The following CNTN6 variants were observed in gnomAD, a reference collection of about 807,000 sequenced individuals.
The protein encoded by CNTN6 is contactin-6.
CNTN6 carries 137 observed loss-of-function variants against 122.8 expected under a neutral mutation model. The observed-to-expected ratio is 1.12, with a 90% CI of 0.97 to 1.29. The LOEUF is 1.29. Among genes scored for constraint, CNTN6 ranks in the 50% most tolerant of loss-of-function variants. CNTN6 has a pLI of 0.00. For synonymous variants in CNTN6, 570 were observed against 426.0 expected (o/e 1.34, Z -4.16); for missense variants, 1,634 against 1,223.4 (o/e 1.34, Z -5.01).
intron 1 of CNTN6, among the ~76,000 whole-genome samples, chr3:1,104,899 G>A (rs191677558): frequency 6.6e-6 from 1 of 152,010 alleles, no homozygotes; most frequent in Admixed American, 6.5e-5. Context: ...TCACCAGATG[G>A]GTGTTCCCTT....
chr3:1,209,513 T>C (rs2094004002), intron 2 of CNTN6, among the ~76,000 whole-genome samples: 1 of 152,216 alleles, frequency 6.6e-6, no homozygotes, highest in African/African-American at 2.4e-5. Flanking sequence ...ATTTCAAGTA[T>C]GGCTTGAATC....
intron 1 of CNTN6, among the ~76,000 whole-genome samples, chr3:1,103,085 G>A (rs956040022): frequency 3.3e-5 from 5 of 152,024 alleles, no homozygotes; most frequent in Non-Finnish European, 2.9e-5. Flanking sequence ...CAGCCTGGGC[G>A]ACAGAGCCAG....
At chr3:1,147,614 C>T (rs1044821524) in intron 1 of CNTN6, among the ~76,000 whole-genome samples, 3 of 151,982 alleles carry the variant, frequency 2.0e-5, no homozygotes, top group Non-Finnish European at 4.4e-5. Flanking sequence ...AAGCAAGTCT[C>T]GTACCTGAAA....
At chr3:1,101,908 G>T (rs2090917318) in intron 1 of CNTN6, among the ~76,000 whole-genome samples, 1 of 152,162 alleles carries the variant, frequency 6.6e-6, no homozygotes, top group African/African-American at 2.4e-5. Context: ...CAAAAACTTT[G>T]TTAGCACAGC....
At chr3:1,106,287 C>A (rs1425979972) in intron 1 of CNTN6, among the ~76,000 whole-genome samples, 1 of 152,078 alleles carries the variant, frequency 6.6e-6, no homozygotes, top group East Asian at 1.9e-4. Context: ...ATATAACTTG[C>A]TTTTCCAGAT....
chr3:1,154,448 C>CTTTTTTTTTTTTTTTT lies in CNTN6; in HGVS notation c.55+6397_55+6398insTTTTTTTTTTTTTTTT, dbSNP rs771133835. Among the ~76,000 whole-genome samples the CTTTTTTTTTTTTTTTT allele has an allele frequency of 7.1e-5, 10 of 140,508 alleles. 1 individual carries two copies. Among genetic ancestry groups the CTTTTTTTTTTTTTTTT allele is most frequent in the African/African-American group, 1.7e-4 (6 of 36,340 alleles). The allele number at this position is 140,508 out of a possible 152,430, so 92.2% of individuals were successfully genotyped here. A position where few individuals can be genotyped will look rare whatever the true frequency, so the allele number is the denominator to read the frequency against. On this transcript the variant is annotated intron_variant, in intron 2 of 22. Coordinates refer to ENST00000446702, the MANE Select transcript of CNTN6 (RefSeq NM_001289080.2). Reference sequence around the variant, plus strand: ...ATAATATTTTTCTTTTCTTTTCTTTCTTTTTTTTTTTTGAGGTGGAGTTTT... The same window carrying CTTTTTTTTTTTTTTTT: ...ATAATATTTTTCTTTTCTTTTCTTTCTTTTTTTTTTTTTTTTTTTTTTTTTTTTGAGGTGGAGTTTT...
intron 3 of CNTN6, among the ~76,000 whole-genome samples, chr3:1,222,426 C>T (rs1257792900): frequency 4.6e-5 from 7 of 152,054 alleles, no homozygotes; most frequent in Non-Finnish European, 1.0e-4. Flanking sequence ...ATTCCTATAA[C>T]ATTTTTTGAA....
intron 7 of CNTN6, among the ~76,000 whole-genome samples, chr3:1,306,627 T>C (rs1698401347): frequency 6.8e-6 from 1 of 148,062 alleles, no homozygotes; most frequent in African/African-American, 2.5e-5. Flanking sequence ...CTTATCTGTA[T>C]AAGGAAGGCA....
intron 4 of CNTN6, among the ~76,000 whole-genome samples, chr3:1,262,110 A>T (rs866509295): frequency 6.6e-6 from 1 of 152,142 alleles, no homozygotes; most frequent in African/African-American, 2.4e-5. Flanking sequence ...CTTATAAATA[A>T]GCAGTCCTCA....
At position 1,400,023 on chromosome 3, in the gene CNTN6, G is replaced by C. The variant is rs182493063; in HGVS notation, c.2705-1410G>C. ...AAAGAGAATGTATGGTAATATATTT[G>C]AGACACCTGGATTCAGCAATATGTG... On this transcript the variant is annotated intron_variant, in intron 20 of 22. Coordinates refer to ENST00000446702, the MANE Select transcript of CNTN6 (RefSeq NM_001289080.2). 5.3e-5 allele frequency among the ~76,000 whole-genome samples: 8 copies of C among 152,180 alleles called. No homozygotes were observed. In the East Asian group the frequency reaches 1.5e-3, roughly 29 times the overall value.
chr3:1,109,659 A>G (rs908175085), intron 1 of CNTN6, among the ~76,000 whole-genome samples: 1 of 152,038 alleles, frequency 6.6e-6, no homozygotes, highest in Admixed American at 6.6e-5. Context: ...CATATTTGCA[A>G]AGATTTAGTT....
chr3:1,398,568 A>G (rs1247528049), intron 20 of CNTN6, among the ~76,000 whole-genome samples: 1 of 152,154 alleles, frequency 6.6e-6, no homozygotes. Flanking sequence ...CAACTGAAAA[A>G]TTGATTATGT....
At chr3:1,193,225 G>A (rs1199863684) in intron 2 of CNTN6, among the ~76,000 whole-genome samples, 3 of 152,130 alleles carry the variant, frequency 2.0e-5, no homozygotes, top group Admixed American at 2.0e-4. Context: ...TTTAAATTTA[G>A]AGTGCACAGT....
intron 12 of CNTN6, among the ~76,000 whole-genome samples, chr3:1,363,589 T>G (rs1707787232): frequency 6.6e-6 from 1 of 151,918 alleles, no homozygotes; most frequent in South Asian, 2.1e-4. Flanking sequence ...CAAATGGTAG[T>G]ATCTCCTTCT....
Position 1,298,067 on chromosome 3 carries a change from A to C in CNTN6, c.761+76A>C, listed in dbSNP as rs561134750. ...TATTAAAAACCTTTTTGTTATTCATATATTGCTCTAAGGTAAATTACCAAG... is the reference window on the plus strand; with the variant it reads ...TATTAAAAACCTTTTTGTTATTCATCTATTGCTCTAAGGTAAATTACCAAG... On this transcript the variant is annotated intron_variant, in intron 7 of 22. Coordinates refer to ENST00000446702, the MANE Select transcript of CNTN6 (RefSeq NM_001289080.2). 5.9e-6 allele frequency: 6 copies of C among 1,009,742 alleles called. No homozygotes were observed. In the African/African-American group the frequency reaches 6.5e-5, roughly 11 times the overall value. The allele number at this position is 1,009,742 out of a possible 1,614,324, so 62.5% of individuals were successfully genotyped here.
intron 4 of CNTN6, among the ~76,000 whole-genome samples, chr3:1,238,836 A>G (rs145984546): frequency 8.9e-4 from 135 of 152,320 alleles, no homozygotes; most frequent in African/African-American, 2.9e-3. Context: ...CTGCTCCTGA[A>G]TGATCAAACA....
At chr3:1,388,562 A>G (rs1576035197) in intron 20 of CNTN6, among the ~76,000 whole-genome samples, 1 of 151,044 alleles carries the variant, frequency 6.6e-6, no homozygotes, top group East Asian at 1.9e-4. Context: ...AGCTGGACGG[A>G]GAATGACTTT....
At chr3:1,380,292 G>A (rs1458184877) in intron 17 of CNTN6, among the ~76,000 whole-genome samples, 3 of 152,114 alleles carry the variant, frequency 2.0e-5, no homozygotes, top group Non-Finnish European at 4.4e-5. Flanking sequence ...TGCCTGAACT[G>A]AACTAAATAT....
intron 20 of CNTN6, among the ~76,000 whole-genome samples, chr3:1,387,880 A>T (rs1301559642): frequency 2.6e-5 from 4 of 152,148 alleles, no homozygotes; most frequent in African/African-American, 4.8e-5. Context: ...GCACCACGAG[A>T]TTATATCCTG....
Sources: allele counts gnomAD v4.1 joint callset (sites outside exome capture counted in the v4.1 genomes callset), GRCh38; gene constraint gnomAD v4.1.1; transcripts MANE v1.5; gene names NCBI Gene and HGNC (gene_info 2026-07-23, HGNC 2026-07-21).